CRHR1: variants seen among roughly 807,000 people sequenced by gnomAD.
CRHR1 encodes corticotropin releasing hormone receptor 1, also known as corticotropin-releasing hormone receptor 1.
In CRHR1, 28 loss-of-function variants were observed where a neutral mutation model predicts 56.0. The observed-to-expected ratio is 0.50, with a 90% CI of 0.37 to 0.69. The LOEUF is 0.69. Among genes scored for constraint, CRHR1 ranks in the 30% least tolerant of loss-of-function variants. CRHR1 has a pLI of 0.00. For synonymous variants in CRHR1, 195 were observed against 216.5 expected, an observed-to-expected ratio of 0.90 and a Z score of 0.87; for missense variants, 376 against 548.0, an observed-to-expected ratio of 0.69 and a Z score of 3.13.
chr17:45,834,762 T>C lies in CRHR1; in HGVS notation c.1246T>C (p.Ter416ArgextTer59). Residue 416 changes from the stop codon to arginine, a stop_lost, in exon 13 of 13, where the codon TGA (stop) becomes CGA (arginine). Transcript: ENST00000314537. ...CAGCATCAAGCAGTCCACAGCAGTC[T>C]GAGCTGGCAGGTCATGGAGCAGCCC... is the stretch of plus-strand genomic sequence containing the variant. ...FHSIKQSTAV* is the reference protein window; with the variant it reads ...FHSIKQSTAVR 1 of 1,613,592 alleles carries C rather than the reference T, an allele frequency of 6.2e-7. No individual in the cohort carries two copies. Among genetic ancestry groups the C allele is most frequent in the Non-Finnish European group, 8.5e-7 (1 of 1,179,920 alleles).
At chr17:45,830,325 T>C in intron 6 of CRHR1, 92 bp from the exon 7 acceptor site, 1 of 1,586,128 alleles carries the variant, frequency 6.3e-7, no homozygotes, top group Non-Finnish European at 8.6e-7. Context: ...GATCCCAGGG[T>C]ATGCCCTGTC....
chr17:45,800,109 G>A (rs913786600), intron 1 of CRHR1, among the ~76,000 whole-genome samples: 12 of 152,194 alleles, frequency 7.9e-5, no homozygotes, highest in East Asian at 3.9e-4. Flanking sequence ...TCTTGCCATC[G>A]TCATGTATGT....
chr17:45,834,031 T>A lies in CRHR1; in HGVS notation c.1090T>A (p.Cys364Ser). Residue 364 changes from cysteine (C) to serine (S), a missense_variant, in exon 12 of 13, where the codon TGT (cysteine) becomes AGT (serine). Cys to Ser is a moderately radical substitution (Grantham distance 112, BLOSUM62 -1). Coordinates refer to ENST00000314537, the MANE Select transcript of CRHR1 (RefSeq NM_004382.5). ...FQGFFVSVFYCFLNSEVRSAI... is the reference protein window; with the variant it reads ...FQGFFVSVFYSFLNSEVRSAI... ...GGGCTTCTTTGTGTCTGTGTTCTAC[T>A]GTTTCCTCAATAGTGAGGTGAGGAC... is the stretch of plus-strand genomic sequence containing the variant. The A allele has an allele frequency of 1.2e-6, 2 of 1,613,466 alleles. No homozygotes were observed. The highest frequency in any genetic ancestry group is 1.7e-6 in the Non-Finnish European group (2 of 1,179,476).
At chr17:45,833,915 G>A in intron 11 of CRHR1, 66 bp downstream of exon 11, 1 of 1,612,654 alleles carries the variant, frequency 6.2e-7, no homozygotes, top group Non-Finnish European at 8.5e-7. Context: ...GAGGCCTGGA[G>A]GGCAGGAGGC....
chr17:45,803,676 G>A (rs2061664164), intron 1 of CRHR1, among the ~76,000 whole-genome samples: 1 of 152,194 alleles, frequency 6.6e-6, no homozygotes, highest in Non-Finnish European at 1.5e-5. Flanking sequence ...GTGAGCCACT[G>A]CACCTGGCCA....
At chr17:45,795,220 AAG>A (rs2061496602) in intron 1 of CRHR1, among the ~76,000 whole-genome samples, 1 of 152,068 alleles carries the variant, frequency 6.6e-6, no homozygotes, top group African/African-American at 2.4e-5. Context: ...ATTCACCAAG[AAG>A]AGTGCAATCC....
In CRHR1 at chr17:45,784,843, G is replaced by T. The variant is rs1007916230; in HGVS notation, c.33+266G>T. ...AGGGGGTCCGCCCACCCGGGTAGCC[G>T]GCTCCGCGCCAAGAATCGCTCTAGG... On this transcript the variant is annotated intron_variant, in intron 1 of 12. Transcript: ENST00000314537. This position sits in a 1 kb window ranked among gnomAD's most constrained non-coding sequence, Gnocchi z 4.2. Among the ~76,000 whole-genome samples the T allele has an allele frequency of 6.6e-6, 1 of 152,188 alleles. No individual in the cohort carries two copies. Among genetic ancestry groups the T allele is most frequent in the Non-Finnish European group, 1.5e-5 (1 of 68,014 alleles).
At chr17:45,797,451 C>T (rs1482279676) in intron 1 of CRHR1, among the ~76,000 whole-genome samples, 1 of 152,010 alleles carries the variant, frequency 6.6e-6, no homozygotes, top group Non-Finnish European at 1.5e-5. Flanking sequence ...CCACCACGCC[C>T]AGCTAGTTTT....
At chr17:45,793,497 G>T (rs2061463448) in intron 1 of CRHR1, among the ~76,000 whole-genome samples, 1 of 152,220 alleles carries the variant, frequency 6.6e-6, no homozygotes, top group South Asian at 2.1e-4. Flanking sequence ...TGGTCATGAG[G>T]CAGGAGTAGC....
intron 1 of CRHR1, among the ~76,000 whole-genome samples, chr17:45,801,876 G>C (rs1034809372): frequency 2.0e-5 from 3 of 152,160 alleles, no homozygotes; most frequent in African/African-American, 7.2e-5. Context: ...ACTGTTTCAG[G>C]GTGCTAGTTG....
chr17:45,833,954 C>G lies in CRHR1; in HGVS notation c.1066-53C>G. ...GGAGAAGCAAGGGGCAGCCCAGAGGCTGGGTGGGCAACACCTGCAGCCGAC... is the reference window on the plus strand; with the variant it reads ...GGAGAAGCAAGGGGCAGCCCAGAGGGTGGGTGGGCAACACCTGCAGCCGAC... On this transcript the variant is annotated intron_variant, in intron 11 of 12. Transcript: ENST00000314537. The G allele has an allele frequency of 1.9e-6, 3 of 1,613,184 alleles. No homozygotes were observed. The South Asian group carries it at 3.3e-5, about 18-fold the overall frequency.
intron 4 of CRHR1, 65 bp downstream of exon 4, chr17:45,821,505 T>C: frequency 6.9e-7 from 1 of 1,449,012 alleles, no homozygotes; most frequent in Non-Finnish European, 9.6e-7. Context: ...CAGAGTTTTG[T>C]GCCTGCTACT....
At chr17:45,793,699 AG>A (rs770225981) in intron 1 of CRHR1, among the ~76,000 whole-genome samples, 36 of 152,276 alleles carry the variant, frequency 2.4e-4, no homozygotes, top group Non-Finnish European at 4.3e-4. Context: ...AATGCAGGGC[AG>A]GGGGGCCTAG....
intron 7 of CRHR1, 55 bp from the exon 8 acceptor site, chr17:45,830,825 G>A: frequency 6.4e-7 from 1 of 1,570,590 alleles, no homozygotes; most frequent in Non-Finnish European, 8.7e-7. Context: ...GGTTCTCCAG[G>A]CCCACATCCT....
chr17:45,815,034 C>T (rs1222978516), intron 2 of CRHR1, among the ~76,000 whole-genome samples: 1 of 152,242 alleles, frequency 6.6e-6, no homozygotes, highest in African/African-American at 2.4e-5. Flanking sequence ...CCAATTTAAC[C>T]CAGTGCTGTT....
chr17:45,833,864 G>A lies in CRHR1; in HGVS notation c.1065+15G>A. On this transcript the variant is annotated intron_variant, in intron 11 of 12. Transcript: ENST00000314537. The stretch of plus-strand genomic sequence containing the variant: ...AATCCTTCCAGGTACAGCCCTGGAG[G>A]GACACATCAGCACCTCCTTGGGTGG... 6.2e-7 allele frequency: 1 copy of A among 1,612,952 alleles called. No individual in the cohort carries two copies. The highest frequency in any genetic ancestry group is 8.5e-7 in the Non-Finnish European group (1 of 1,179,930).
At chr17:45,819,408 A>T (rs2061994042) in intron 3 of CRHR1, among the ~76,000 whole-genome samples, 1 of 151,600 alleles carries the variant, frequency 6.6e-6, no homozygotes, top group African/African-American at 2.4e-5. Context: ...TCTTAGCACT[A>T]CTCCATGCTG....
rs147525884 is a variant in CRHR1 at position 45,828,339 on chromosome 17, G to A, written c.328-876G>A. On this transcript the variant is annotated intron_variant, in intron 4 of 12. Coordinates refer to ENST00000314537, the MANE Select transcript of CRHR1 (RefSeq NM_004382.5). ...TTTGGAGTTGCGCGACCTCCAGCGC[G>A]TCAGCATAACCTCTGTGCTGTTTTC... Among the ~76,000 whole-genome samples, 1,048 of 152,330 alleles carry A rather than the reference G, an allele frequency of 6.9e-3. 11 individuals are homozygous for A. Among genetic ancestry groups the A allele is most frequent in the African/African-American group, 0.024 (988 of 41,562 alleles).
chr17:45,791,725 C>A (rs1245641905), intron 1 of CRHR1, among the ~76,000 whole-genome samples: 1 of 151,968 alleles, frequency 6.6e-6, no homozygotes, highest in Non-Finnish European at 1.5e-5. Flanking sequence ...CCTTCCACCA[C>A]CCCCAGGGCT....
Sources: allele counts gnomAD v4.1 joint callset (sites outside exome capture counted in the v4.1 genomes callset), GRCh38; gene constraint gnomAD v4.1.1; non-coding constraint Gnocchi (gnomAD v3.1); transcripts MANE v1.5; gene names NCBI Gene and HGNC (gene_info 2026-07-23, HGNC 2026-07-21).